The following TSPAN11 variants were observed in gnomAD, a reference collection of about 807,000 sequenced individuals.
TSPAN11 encodes the protein tetraspanin 11.
A neutral mutation model predicts 32.9 loss-of-function variants in TSPAN11; 29 were observed. The observed-to-expected ratio is 0.88, with a 90% CI of 0.66 to 1.20. The LOEUF (loss-of-function observed/expected upper bound fraction) is 1.20. Among genes scored for constraint, TSPAN11 ranks in the 50% most tolerant of loss-of-function variants. The pLI is 0.00. For missense variants in TSPAN11, 283 were observed against 329.1 expected (o/e 0.86, Z 1.08); for synonymous variants, 140 against 141.3 (o/e 0.99, Z 0.07).
chr12:30,964,339 TCTC>T (rs1451655614), intron 3 of TSPAN11, among the ~76,000 whole-genome samples: 1 of 151,524 alleles, frequency 6.6e-6, no homozygotes, highest in African/African-American at 2.4e-5. Flanking sequence ...TCCTTCTCCT[TCTC>T]CTATTCTGTA....
chr12:30,935,256 G>T (rs1299251320), intron 1 of TSPAN11, among the ~76,000 whole-genome samples: 2 of 152,112 alleles, frequency 1.3e-5, no homozygotes, highest in Non-Finnish European at 2.9e-5. Context: ...CAAGAAGACT[G>T]GGGAAATTAT....
intron 3 of TSPAN11, among the ~76,000 whole-genome samples, chr12:30,965,828 A>T (rs984203531): frequency 2.0e-5 from 3 of 152,052 alleles, no homozygotes; most frequent in Non-Finnish European, 4.4e-5. Flanking sequence ...CTTTTAGGTG[A>T]TGGTCAGTCA....
chr12:31,005,391 GTC>G, the TSPAN11 span, among the ~76,000 whole-genome samples: 14 of 152,218 alleles, frequency 9.2e-5, no homozygotes, highest in Non-Finnish European at 1.8e-4. Context: ...CGCAAGGGTA[GTC>G]TCTCCACAGG....
the TSPAN11 span, among the ~76,000 whole-genome samples, chr12:31,006,810 T>C: frequency 6.6e-6 from 1 of 152,286 alleles, no homozygotes; most frequent in Non-Finnish European, 1.5e-5. Context: ...CCAGTATCCC[T>C]ATGGCATTTT....
chr12:30,977,480 C>T (rs988160835), intron 3 of TSPAN11, among the ~76,000 whole-genome samples: 2 of 152,336 alleles, frequency 1.3e-5, no homozygotes, highest in Non-Finnish European at 2.9e-5. Flanking sequence ...GTGGCAGGTG[C>T]TCATGAGTCT....
At chr12:30,959,030 C>A (rs1938556615) in intron 2 of TSPAN11, among the ~76,000 whole-genome samples, 2 of 152,246 alleles carry the variant, frequency 1.3e-5, no homozygotes, top group African/African-American at 4.8e-5. Flanking sequence ...ATCAAAACAG[C>A]CATAAAGCAG....
At chr12:31,000,959 T>G (rs1377937271), downstream of TSPAN11, among the ~76,000 whole-genome samples, 2 of 152,234 alleles carry the variant, frequency 1.3e-5, no homozygotes, top group East Asian at 3.9e-4. Context: ...CTCTCAGATC[T>G]GCTGGCTTTG....
At chr12:30,957,904 T>C (rs1433744923) in intron 2 of TSPAN11, among the ~76,000 whole-genome samples, 2 of 139,980 alleles carry the variant, frequency 1.4e-5, no homozygotes, top group African/African-American at 2.6e-5. Context: ...TCCTTACATG[T>C]GTAGCCCTCT....
At chr12:30,982,356 C>T (rs920693876) in intron 5 of TSPAN11, among the ~76,000 whole-genome samples, 176 bp from the exon 6 acceptor site, 1 of 152,252 alleles carries the variant, frequency 6.6e-6, no homozygotes, top group East Asian at 1.9e-4. Context: ...AGGGCCCTGG[C>T]GTGACCAGCT....
intron 3 of TSPAN11, among the ~76,000 whole-genome samples, chr12:30,966,021 AT>A (rs34029759): frequency 0.014 from 2,008 of 145,890 alleles, 42 homozygotes; most frequent in African/African-American, 0.043. Flanking sequence ...TTTTTTTGTG[AT>A]TTTTTTTTTT....
the TSPAN11 span, among the ~76,000 whole-genome samples, chr12:31,013,805 G>A: frequency 4.0e-4 from 61 of 152,144 alleles, no homozygotes; most frequent in Non-Finnish European, 6.8e-4. Context: ...CTTGAACCAG[G>A]AATGAAATCC....
chr12:31,013,319 A>G, the TSPAN11 span, among the ~76,000 whole-genome samples: 1 of 152,106 alleles, frequency 6.6e-6, no homozygotes, highest in Non-Finnish European at 1.5e-5. Flanking sequence ...CCAGGTAGGG[A>G]GCAGTGGCTC....
the TSPAN11 span, among the ~76,000 whole-genome samples, chr12:31,001,870 G>A: frequency 7.2e-5 from 11 of 152,132 alleles, no homozygotes; most frequent in South Asian, 8.3e-4. Context: ...TGTCTTCCAC[G>A]GCTCCGCTTG....
rs369453880 is a variant in TSPAN11, at chr12:30,962,700, A to G, written c.85-1126A>G. ...AGCCCAGGGCACTTCTCTAGCTTTG[A>G]CCACGCCCAGGACTCCTTGAGGAAG... On this transcript the variant is annotated intron_variant, in intron 2 of 7. Coordinates refer to ENST00000546076, the MANE Select transcript of TSPAN11 (RefSeq NM_001370302.1). Among the ~76,000 whole-genome samples the G allele has an allele frequency of 5.9e-5, 9 of 152,262 alleles. No individual in the cohort carries two copies. In the East Asian group the frequency reaches 1.2e-3, roughly 20 times the overall value.
At position 30,963,952 on chromosome 12, in the gene TSPAN11, G is replaced by T; in HGVS notation, c.211G>T (p.Val71Phe). ...AYILIFAGVL[V>F]MVTGFLGFGA... is the part of the protein sequence containing the mutation. ...CATCCTCATCTTTGCGGGCGTACTT[G>T]TCATGGTGACCGGCTTCCTGGGCTT... The change falls in exon 3 of 8, where the codon GTC becomes TTC. Residue 71 changes from valine (V) to phenylalanine (F), a missense_variant. Physicochemically the swap from Val to Phe is conservative, Grantham distance 50 (BLOSUM62 -1). Coordinates refer to ENST00000546076, the MANE Select transcript of TSPAN11 (RefSeq NM_001370302.1). The T allele has an allele frequency of 6.2e-7, 1 of 1,614,130 alleles. No individual in the cohort carries two copies. The highest frequency in any genetic ancestry group is 8.5e-7 in the Non-Finnish European group (1 of 1,180,034).
the TSPAN11 span, among the ~76,000 whole-genome samples, chr12:31,010,032 G>T: frequency 6.6e-6 from 1 of 152,232 alleles, no homozygotes; most frequent in African/African-American, 2.4e-5. Flanking sequence ...TGCCCGCAGA[G>T]CTAGGAGCTG....
chr12:30,941,576 C>G (rs1302968043), intron 1 of TSPAN11, among the ~76,000 whole-genome samples: 1 of 152,224 alleles, frequency 6.6e-6, no homozygotes, highest in Non-Finnish European at 1.5e-5. Context: ...GACTAGAGCC[C>G]AGGTCCCTGG....
intron 3 of TSPAN11, among the ~76,000 whole-genome samples, chr12:30,969,865 G>A (rs539176308): frequency 6.6e-6 from 1 of 152,194 alleles, no homozygotes; most frequent in Non-Finnish European, 1.5e-5. Context: ...AGTCTAGTGA[G>A]GAACATGAGG....
chr12:30,976,572 C>T (rs1938976606), intron 3 of TSPAN11, among the ~76,000 whole-genome samples: 2 of 152,288 alleles, frequency 1.3e-5, no homozygotes, highest in South Asian at 4.1e-4. Flanking sequence ...CCACTCAGTA[C>T]CACACGCAGA....
Sources: gnomAD v4.1 joint callset for allele counts (sites outside exome capture counted in the v4.1 genomes callset) on GRCh38, gnomAD v4.1.1 for gene constraint, MANE v1.5 for transcripts, NCBI Gene and HGNC (gene_info 2026-07-23, HGNC 2026-07-21) for gene names.